The following MLC1 variants were observed in gnomAD, a reference collection of about 807,000 sequenced individuals.
MLC1 encodes modulator of VRAC current 1.
MLC1 carries 32 observed loss-of-function variants against 44.7 expected under a neutral mutation model. The observed-to-expected ratio is 0.72, with a 90% CI of 0.54 to 0.96. The LOEUF (loss-of-function observed/expected upper bound fraction) is 0.96, where lower values mean the gene tolerates loss of function less well. MLC1 is among the 40% of genes least tolerant of loss of function. The probability of loss-of-function intolerance (pLI) is 0.00; values close to 1 mark genes in which losing one functional copy is unlikely to be tolerated. For synonymous variants in MLC1, 190 were observed against 213.0 expected (o/e 0.89, Z 0.94); for missense variants, 459 against 492.2 (o/e 0.93, Z 0.64).
intron 11 of MLC1, among the ~76,000 whole-genome samples, chr22:50,062,736 G>A (rs1241821048): frequency 6.6e-6 from 1 of 152,234 alleles, no homozygotes; most frequent in African/African-American, 2.4e-5. Flanking sequence ...AGGACTCAGA[G>A]CCCCGCTGAG....
Position 50,070,352 on chromosome 22 carries a change from A to G in MLC1, c.771+175T>C, listed in dbSNP as rs2076132. Among the ~76,000 whole-genome samples, 18,704 of 152,224 alleles carry G rather than the reference A, an allele frequency of 0.12. 1,284 individuals are homozygous for G. Among genetic ancestry groups the G allele is most frequent in the South Asian group, 0.23 (1,104 of 4,814 alleles). On this transcript the variant is annotated intron_variant, in intron 9 of 11. Coordinates refer to ENST00000311597, the MANE Select transcript of MLC1 (RefSeq NM_015166.4). ...CTGTCCCTGAGAACAGTCCCTGCTG[A>G]GCGGGCCAGCCTCCACCTCCCACAA...
rs79301 is a variant in MLC1, at chr22:50,080,294, A to G, written c.321+50T>C. 1,457,705 of 1,562,152 alleles carry G rather than the reference A, an allele frequency of 0.93. 680,610 individuals carry two copies. Among genetic ancestry groups the G allele is most frequent in the East Asian group, 1 (42,687 of 42,712 alleles). On this transcript the variant is annotated intron_variant, in intron 4 of 11. Coordinates refer to ENST00000311597, the MANE Select transcript of MLC1 (RefSeq NM_015166.4). ...AGCACACATGGGCACACTGTCTGTCAGCCCCTCCGGCTTTCTCCCTGGCAG... is the reference window on the plus strand; with the variant it reads ...AGCACACATGGGCACACTGTCTGTCGGCCCCTCCGGCTTTCTCCCTGGCAG...
intron 10 of MLC1, among the ~76,000 whole-genome samples, chr22:50,066,928 C>T (rs1039047626): frequency 2.0e-5 from 3 of 152,096 alleles, no homozygotes; most frequent in South Asian, 2.1e-4. Flanking sequence ...AATGGGGTAT[C>T]GAACCCAGAG....
rs750034062 is a variant in MLC1 at position 50,064,123 on chromosome 22, T to C, written c.970A>G (p.Ile324Val). 4 of 1,609,542 alleles carry C rather than the reference T, an allele frequency of 2.5e-6. No individual in the cohort carries two copies. The South Asian group carries it at 4.4e-5, about 18-fold the overall frequency. The change falls in exon 11 of 12, where the codon ATC becomes GTC. Residue 324 changes from isoleucine to valine, a missense_variant. Transcript: ENST00000311597. ...LQAGLNTGTA[I>V]QCVRFKVSAR... ...CTGACCTTGAAGCGCACGCACTGGA[T>C]GGCGGTGCCCGTGTTGAGGCCGGCC...
chr22:50,082,289 C>T (rs1416872585), intron 3 of MLC1, among the ~76,000 whole-genome samples: 1 of 152,090 alleles, frequency 6.6e-6, no homozygotes, highest in Non-Finnish European at 1.5e-5. Context: ...GGCCAGAGCC[C>T]AGGGGTCAGC....
At chr22:50,070,227 CA>C (rs2061817443) in intron 9 of MLC1, among the ~76,000 whole-genome samples, 1 of 152,106 alleles carries the variant, frequency 6.6e-6, no homozygotes, top group South Asian at 2.1e-4. Context: ...AACAATCGAC[CA>C]GCCTTAGGAG....
chr22:50,063,764 C>T (rs2061628639), intron 11 of MLC1, among the ~76,000 whole-genome samples: 1 of 143,546 alleles, frequency 7.0e-6, no homozygotes, highest in African/African-American at 2.5e-5. Context: ...ACAGGCTTCT[C>T]ACCTCCCTGG....
chr22:50,062,039 G>A (rs1277362279), intron 11 of MLC1, among the ~76,000 whole-genome samples: 1 of 152,144 alleles, frequency 6.6e-6, no homozygotes, highest in Non-Finnish European at 1.5e-5. Flanking sequence ...GCAAAAGGGA[G>A]GACAGCGCCA....
intron 9 of MLC1, among the ~76,000 whole-genome samples, chr22:50,069,022 C>T (rs987250085): frequency 2.5e-4 from 37 of 149,040 alleles, no homozygotes; most frequent in African/African-American, 7.9e-4. Context: ...CCACCGCGCC[C>T]GGCCTGCCTT....
intron 5 of MLC1, among the ~76,000 whole-genome samples, chr22:50,079,203 G>A (rs1396480407): frequency 6.6e-6 from 1 of 151,994 alleles, no homozygotes; most frequent in African/African-American, 2.4e-5. Context: ...AGAATTGCTT[G>A]AACCCGGGAG....
At chr22:50,073,829 A>T (rs1427439615) in intron 8 of MLC1, among the ~76,000 whole-genome samples, 2 of 152,224 alleles carry the variant, frequency 1.3e-5, no homozygotes, top group Non-Finnish European at 1.5e-5. Context: ...CTGCAGTAAC[A>T]TTTAATGTAA....
Position 50,070,583 on chromosome 22 carries a change from A to C in MLC1, c.715T>G (p.Cys239Gly). 2 of 1,561,076 alleles carry C rather than the reference A, an allele frequency of 1.3e-6. No individual in the cohort carries two copies. Among genetic ancestry groups the C allele is most frequent in the Non-Finnish European group, 1.7e-6 (2 of 1,151,796 alleles). ...SVTFFWILVA[C>G]FPSAIASHVA... ...TGACTGGCAATGGCACTTGGAAAGC[A>C]CTAAGAGAAAAGAAAAAGGAAAGAT... is the stretch of plus-strand genomic sequence containing the variant. Residue 239 changes from cysteine to glycine, a missense_variant and splice_region_variant, in exon 9 of 12, where the codon TGC becomes GGC. Coordinates refer to ENST00000311597, the MANE Select transcript of MLC1 (RefSeq NM_015166.4).
intron 6 of MLC1, 55 bp downstream of exon 6, chr22:50,077,346 C>A: frequency 1.3e-6 from 2 of 1,524,142 alleles, no homozygotes; most frequent in Non-Finnish European, 1.8e-6. Context: ...ACCTCGCTCA[C>A]CCTGGGGTGA....
rs191396436 is a variant in MLC1, at chr22:50,076,784, C to T, written c.597+57G>A. ...AATCGAAACGTGACGTTTAATCCAGCCTCAGTCACCCCCGACAGAGTATGA... is the reference window on the plus strand; with the variant it reads ...AATCGAAACGTGACGTTTAATCCAGTCTCAGTCACCCCCGACAGAGTATGA... On this transcript the variant is annotated intron_variant, in intron 7 of 11. Coordinates refer to ENST00000311597, the MANE Select transcript of MLC1 (RefSeq NM_015166.4). 4.5e-6 allele frequency: 7 copies of T among 1,571,050 alleles called. No individual in the cohort carries two copies. In the Admixed American group the frequency reaches 8.3e-5, roughly 19 times the overall value.
intron 8 of MLC1, among the ~76,000 whole-genome samples, chr22:50,073,300 G>C (rs1479434282): frequency 6.6e-6 from 1 of 152,254 alleles, no homozygotes; most frequent in Non-Finnish European, 1.5e-5. Context: ...AGACAAACCA[G>C]GGGCTGGCCG....
chr22:50,075,994 C>T (rs925809926), intron 7 of MLC1, among the ~76,000 whole-genome samples: 1 of 152,024 alleles, frequency 6.6e-6, no homozygotes, highest in Non-Finnish European at 1.5e-5. Flanking sequence ...GAAAAATTTC[C>T]CATCCAAAAT....
intron 11 of MLC1, among the ~76,000 whole-genome samples, chr22:50,063,367 G>A (rs924892965): frequency 6.6e-6 from 1 of 151,500 alleles, no homozygotes; most frequent in African/African-American, 2.4e-5. Context: ...CAGCTACTCG[G>A]GAGGCTGAGG....
intron 6 of MLC1, 61 bp downstream of exon 6, chr22:50,077,340 C>T (rs1055259208): frequency 4.6e-5 from 68 of 1,467,636 alleles, no homozygotes; most frequent in Non-Finnish European, 6.2e-5. Context: ...AGACCCACCT[C>T]GCTCACCCTG....
chr22:50,081,045 G>GAAAGAAAGAAAGA (rs1039828211), intron 3 of MLC1, among the ~76,000 whole-genome samples: 1 of 147,832 alleles, frequency 6.8e-6, no homozygotes, highest in African/African-American at 2.6e-5. Flanking sequence ...AAGAAAGAAA[G>GAAAGAAAGAAAGA]AAAGAAAGAA....
Sources: allele counts gnomAD v4.1 joint callset (sites outside exome capture counted in the v4.1 genomes callset), GRCh38; gene constraint gnomAD v4.1.1; transcripts MANE v1.5; gene names NCBI Gene and HGNC (gene_info 2026-07-23, HGNC 2026-07-21).